Variants in E2F6 observed in about 807,000 individuals in gnomAD.
E2F6 encodes E2F transcription factor 6.
E2F6 carries 19 observed loss-of-function variants against 31.5 expected under a neutral mutation model. The observed-to-expected ratio is 0.60, with a 90% confidence interval of 0.42 to 0.89. E2F6 has a LOEUF of 0.89. E2F6 is among the 40% of genes least tolerant of loss of function. The pLI, the probability that E2F6 is intolerant of heterozygous loss-of-function variation, is 0.00. For synonymous variants in E2F6, 121 were observed against 127.7 expected, an observed-to-expected ratio of 0.95 and a Z score of 0.36; for missense variants, 269 against 341.6, an observed-to-expected ratio of 0.79 and a Z score of 1.67.
At chr2:11,458,321 C>G in intron 1 of E2F6, 1 of 1,551,710 alleles carries the variant, frequency 6.4e-7, no homozygotes, top group Non-Finnish European at 8.7e-7. Flanking sequence ...CTGAGCCTAG[C>G]CCAGCAAGCC....
chr2:11,463,857 A>T (rs1292139538), intron 1 of E2F6, among the ~76,000 whole-genome samples: 1 of 146,828 alleles, frequency 6.8e-6, no homozygotes, highest in Admixed American at 7.1e-5. Context: ...AGTTGGAGGC[A>T]GAAGGATCAC....
Position 11,446,468 on chromosome 2 carries a change from C to G in E2F6, c.*9G>C. 4.4e-6 allele frequency: 7 copies of G among 1,603,092 alleles called. No individual in the cohort carries two copies. Among genetic ancestry groups the G allele is most frequent in the Non-Finnish European group, 6.0e-6 (7 of 1,172,494 alleles). The stretch of plus-strand genomic sequence containing the variant: ...AAAAACTCAGTGATACATAAATTCT[C>G]AAATGCCATCAGTTGCTTACTTCAA... On this transcript the variant is annotated 3_prime_UTR_variant, in exon 7 of 7. Transcript: ENST00000381525.
At chr2:11,448,103 G>A (rs1043235074) in intron 5 of E2F6, among the ~76,000 whole-genome samples, 2 of 152,126 alleles carry the variant, frequency 1.3e-5, no homozygotes, top group African/African-American at 4.8e-5. Context: ...ATAAATATGT[G>A]CTTGGATTTC....
chr2:11,457,186 G>A lies in E2F6; in HGVS notation c.156C>T (p.Ser52=), dbSNP rs367706604. 105 of 1,559,586 alleles carry A rather than the reference G, an allele frequency of 6.7e-5. No homozygotes were observed. Among genetic ancestry groups the A allele is most frequent in the Non-Finnish European group, 8.5e-5 (96 of 1,134,280 alleles). The change falls in exon 2 of 7, where the codon TCC becomes TCT. Residue 52 remains serine, a synonymous_variant. Coordinates refer to ENST00000381525, the MANE Select transcript of E2F6 (RefSeq NM_198256.4). ...INLEDNVQYV[S]MRKALKVKRP... is the part of the protein sequence containing the mutation. ...ATTCAGGAATCAACTTACTTCTCAT[G>A]GACACATATTGTACATTATCTTCTA...
chr2:11,458,139 C>G, intron 1 of E2F6: 2 of 767,706 alleles, frequency 2.6e-6, no homozygotes, highest in South Asian at 3.1e-5. Context: ...TGTTAATGTG[C>G]CTCCAGACAG....
chr2:11,461,388 G>A (rs186790507), intron 1 of E2F6, among the ~76,000 whole-genome samples: 6 of 152,274 alleles, frequency 3.9e-5, no homozygotes, highest in African/African-American at 1.2e-4. Context: ...TTTCACTCTT[G>A]TTGCCCAAGC....
chr2:11,463,004 C>G (rs1463653250), intron 1 of E2F6, among the ~76,000 whole-genome samples: 1 of 152,172 alleles, frequency 6.6e-6, no homozygotes, highest in Non-Finnish European at 1.5e-5. Flanking sequence ...GGAATTATGA[C>G]ATGGTAACTG....
intron 4 of E2F6, among the ~76,000 whole-genome samples, chr2:11,450,497 A>C (rs918524168): frequency 9.8e-5 from 15 of 152,286 alleles, no homozygotes; most frequent in African/African-American, 3.6e-4. Context: ...AGGTATAGTA[A>C]GCTAGATCTT....
At chr2:11,447,894 C>T (rs1397800052) in intron 5 of E2F6, 120 bp from the exon 6 acceptor site, 3 of 1,123,378 alleles carry the variant, frequency 2.7e-6, no homozygotes, top group East Asian at 2.6e-5. Flanking sequence ...AGTCACATTA[C>T]AGCACTGGCC....
chr2:11,453,060 T>A (rs1671170635), intron 3 of E2F6, among the ~76,000 whole-genome samples: 2 of 152,372 alleles, frequency 1.3e-5, no homozygotes, highest in South Asian at 4.1e-4. Flanking sequence ...AGCATTCTCA[T>A]GTGTGCACAC....
At chr2:11,450,909 G>C (rs1671022037) in intron 4 of E2F6, among the ~76,000 whole-genome samples, 1 of 152,160 alleles carries the variant, frequency 6.6e-6, no homozygotes, top group Admixed American at 6.5e-5. Flanking sequence ...GGTGCCACAG[G>C]GAACAGCACA....
At position 11,453,732 on chromosome 2, in the gene E2F6, T is replaced by C; in HGVS notation, c.230A>G (p.Asp77Gly). The C allele has an allele frequency of 6.2e-7, 1 of 1,614,204 alleles. No homozygotes were observed. Among genetic ancestry groups the C allele is most frequent in the Non-Finnish European group, 8.5e-7 (1 of 1,180,028 alleles). Residue 77 changes from aspartate (D) to glycine (G), a missense_variant, in exon 3 of 7, where the codon GAT becomes GGT. By Grantham distance (94) the Asp-to-Gly change is moderately conservative (BLOSUM62 -1). Coordinates refer to ENST00000381525, the MANE Select transcript of E2F6 (RefSeq NM_198256.4). ...ACCCCCGGGAGCAGATCTGACAAGA[T>C]CCATAAATTTTCGAGTTAAATAAAC... ...SLVYLTRKFMDLVRSAPGGIL... is the reference protein window; with the variant it reads ...SLVYLTRKFMGLVRSAPGGIL...
rs185349531 is a variant in E2F6 at position 11,461,790 on chromosome 2, T to G, written c.108+3982A>C. ...CTTAGAAACTTTTAGGTCATTTATG[T>G]GGAACTCCAGCCATGAAACTGAATC... On this transcript the variant is annotated intron_variant, in intron 1 of 6. Transcript: ENST00000381525. 5.3e-5 allele frequency among the ~76,000 whole-genome samples: 8 copies of G among 152,364 alleles called. No individual in the cohort carries two copies. The East Asian group carries it at 1.2e-3, about 22-fold the overall frequency.
At chr2:11,451,406 A>G in intron 4 of E2F6, 1 of 240,530 alleles carries the variant, frequency 4.2e-6, no homozygotes, top group Non-Finnish European at 7.7e-6. Flanking sequence ...ACTGGAGTGC[A>G]ATGGCGCCAT....
rs962008967 is a variant in E2F6 at position 11,458,804 on chromosome 2, T to A, written c.109-1571A>T. ...ATGGAATACTCCCATTGAGACAGAA[T>A]CCCACTGTAAAATTAATTTAGTTGT... On this transcript the variant is annotated intron_variant, in intron 1 of 6. Coordinates refer to ENST00000381525, the MANE Select transcript of E2F6 (RefSeq NM_198256.4). 3.3e-5 allele frequency among the ~76,000 whole-genome samples: 5 copies of A among 152,284 alleles called. No individual in the cohort carries two copies. The South Asian group carries it at 1.0e-3, about 32-fold the overall frequency.
At chr2:11,451,344 CTAACTTTTTTTTTT>C (rs1402969309) in intron 4 of E2F6, 4 of 113,654 alleles carry the variant, frequency 3.5e-5, no homozygotes, top group Non-Finnish European at 7.7e-5. Context: ...CAACTTTTAC[CTAACTTTTTTTTTT>C]TTTTTTTTTG....
At chr2:11,457,274 A>G (rs1360477713) in intron 1 of E2F6, 41 bp from the exon 2 acceptor site, 1 of 1,224,150 alleles carries the variant, frequency 8.2e-7, no homozygotes, top group African/African-American at 1.5e-5. Flanking sequence ...TGATTTTAAA[A>G]CAACAATGCA....
intron 4 of E2F6, chr2:11,451,195 T>C (rs1046442318): frequency 3.3e-5 from 5 of 152,548 alleles, no homozygotes; most frequent in African/African-American, 1.2e-4. Context: ...TAAAAATGAA[T>C]ACTCACCATT....
In E2F6 at chr2:11,451,345, TAA is replaced by T. The variant is rs775207561; in HGVS notation, c.536+304_536+305del. ...GGTTATACTACTACCAACTTTTACC[TAA>T]CTTTTTTTTTTTTTTTTTTTGAGAC... On this transcript the variant is annotated intron_variant, in intron 4 of 6. Coordinates refer to ENST00000381525, the MANE Select transcript of E2F6 (RefSeq NM_198256.4). 1.4e-3 allele frequency: 164 copies of T among 120,430 alleles called. 27 individuals are homozygous for T. The highest frequency in any genetic ancestry group is 6.1e-3 in the Middle Eastern group (2 of 328). 7.5% of individuals were successfully genotyped at this position (120,430 alleles called of 1,614,324 possible). A position where few individuals can be genotyped will look rare whatever the true frequency, so the allele number is the denominator to read the frequency against.
Sources: allele counts gnomAD v4.1 joint callset (sites outside exome capture counted in the v4.1 genomes callset), GRCh38; gene constraint gnomAD v4.1.1; transcripts MANE v1.5; gene names NCBI Gene and HGNC (gene_info 2026-07-23, HGNC 2026-07-21).